The following CLIC1 variants were observed in gnomAD, a reference collection of about 807,000 sequenced individuals.
CLIC1 encodes the protein CLIC family member 1, also known as chloride intracellular channel protein 1.
CLIC1 carries 16 observed loss-of-function variants against 26.4 expected under a neutral mutation model. The ratio of observed to expected loss-of-function variants is 0.61; its 90% CI spans 0.41 to 0.92. CLIC1 has a LOEUF of 0.92. CLIC1 is among the 40% of genes least tolerant of loss of function. The pLI, the probability that CLIC1 is intolerant of heterozygous loss-of-function variation, is 0.00. For synonymous variants in CLIC1, 98 were observed against 120.8 expected (o/e 0.81, Z 1.24); for missense variants, 225 against 289.7 (o/e 0.78, Z 1.62).
Position 31,736,465 on chromosome 6 carries a change from C to T in CLIC1, c.-165G>A. ...CCTACTTGCACCCAAACTAGGCCTC[C>T]CCACCAGCCCAACGCACCCCACACC... On this transcript the variant is annotated 5_prime_UTR_variant, in exon 1 of 6. Coordinates refer to ENST00000375784, the Ensembl canonical transcript of CLIC1. This position sits in a 1 kb window ranked among gnomAD's most constrained non-coding sequence, Gnocchi z 5.0. The T allele has an allele frequency of 7.0e-7, 1 of 1,427,198 alleles. No homozygotes were observed. Among genetic ancestry groups the T allele is most frequent in the Admixed American group, 2.6e-5 (1 of 38,736 alleles). The allele number at this position is 1,427,198 out of a possible 1,614,324, so 88.4% of individuals were successfully genotyped here.
In CLIC1 at chr6:31,736,250, A is replaced by G; in HGVS notation, c.39+12T>C. ...CAGGAATTTGGGTGGCTGAGGAGAGAAGTGTTCTTACCTTCACGAACAATT... is the reference window on the plus strand; with the variant it reads ...CAGGAATTTGGGTGGCTGAGGAGAGGAGTGTTCTTACCTTCACGAACAATT... On this transcript the variant is annotated intron_variant, in intron 1 of 5. Coordinates refer to ENST00000375784, the Ensembl canonical transcript of CLIC1. The surrounding 1 kb of genome is among the most constrained non-coding windows in gnomAD (Gnocchi z 5.0). The G allele has an allele frequency of 6.2e-7, 1 of 1,612,668 alleles. No homozygotes were observed. Among genetic ancestry groups the G allele is most frequent in the Non-Finnish European group, 8.5e-7 (1 of 1,179,862 alleles).
Position 31,736,155 on chromosome 6 carries a change from G to A in CLIC1, c.39+107C>T, listed in dbSNP as rs1808316385. 3 of 1,139,572 alleles carry A rather than the reference G, an allele frequency of 2.6e-6. No individual in the cohort carries two copies. Among genetic ancestry groups the A allele is most frequent in the Admixed American group, 1.7e-5 (1 of 58,262 alleles). The allele number at this position is 1,139,572 out of a possible 1,614,324, so 70.6% of individuals were successfully genotyped here. On this transcript the variant is annotated intron_variant, in intron 1 of 5. Transcript: ENST00000375784. This position sits in a 1 kb window ranked among gnomAD's most constrained non-coding sequence, Gnocchi z 5.0. ...AACCAAAGAGTGCACGTGGGATTGG[G>A]GGTGGGAGTCAAGGAGGGAAGGGAT...
chr6:31,732,074 TG>T lies in CLIC1; in HGVS notation c.564+142del. The stretch of plus-strand genomic sequence containing the variant: ...CAATGACTGCTGCAAAGGACTGGGG[TG>T]GGGTCTGCCATTGGTAGCAATTTAT... On this transcript the variant is annotated intron_variant, in intron 5 of 5. Transcript: ENST00000375784. The surrounding 1 kb of genome is among the most constrained non-coding windows in gnomAD (Gnocchi z 5.0). 1 of 517,960 alleles carries T rather than the reference TG, an allele frequency of 1.9e-6. No homozygotes were observed. The highest frequency in any genetic ancestry group is 2.0e-5 in the African/African-American group (1 of 50,746). The allele number at this position is 517,960 out of a possible 1,614,324, so 32.1% of individuals were successfully genotyped here. A position where few individuals can be genotyped will look rare whatever the true frequency, so the allele number is the denominator to read the frequency against.
In CLIC1 at chr6:31,736,194, C is replaced by T; in HGVS notation, c.39+68G>A. On this transcript the variant is annotated intron_variant, in intron 1 of 5. Transcript: ENST00000375784. The surrounding 1 kb of genome is among the most constrained non-coding windows in gnomAD (Gnocchi z 5.0). ...GAGGGAAGGGATTGGGGAGTTAAGGCTGGACCGGGGGAAAGGTGAGAGTTG... is the reference window on the plus strand; with the variant it reads ...GAGGGAAGGGATTGGGGAGTTAAGGTTGGACCGGGGGAAAGGTGAGAGTTG... 1 of 1,549,278 alleles carries T rather than the reference C, an allele frequency of 6.5e-7. No individual in the cohort carries two copies. The highest frequency in any genetic ancestry group is 8.9e-7 in the Non-Finnish European group (1 of 1,122,494).
chr6:31,734,376 C>G lies in CLIC1; in HGVS notation c.40-113G>C. 1 of 764,312 alleles carries G rather than the reference C, an allele frequency of 1.3e-6. No homozygotes were observed. Among genetic ancestry groups the G allele is most frequent in the East Asian group, 2.7e-5 (1 of 37,560 alleles). The allele number at this position is 764,312 out of a possible 1,614,324, so 47.3% of individuals were successfully genotyped here. A position where few individuals can be genotyped will look rare whatever the true frequency, so the allele number is the denominator to read the frequency against. On this transcript the variant is annotated intron_variant, in intron 1 of 5. Transcript: ENST00000375784. This position sits in a 1 kb window ranked among gnomAD's most constrained non-coding sequence, Gnocchi z 5.3. Reference sequence around the variant, plus strand: ...GTTTTCTGCCTAGTCATGACACATACACTGTCCCCTCACTATGGGCTCTTT... The same window carrying G: ...GTTTTCTGCCTAGTCATGACACATAGACTGTCCCCTCACTATGGGCTCTTT...
chr6:31,732,522 T>C lies in CLIC1; in HGVS notation c.383-124A>G. ...AATAGCTAACACTCATGTAGTTACT[T>C]TTCTATGTGTTATTCTAAGCACTTT... On this transcript the variant is annotated intron_variant, in intron 4 of 5. Coordinates refer to ENST00000375784, the Ensembl canonical transcript of CLIC1. The surrounding 1 kb of genome is among the most constrained non-coding windows in gnomAD (Gnocchi z 5.0). 1 of 555,838 alleles carries C rather than the reference T, an allele frequency of 1.8e-6. No homozygotes were observed. Among genetic ancestry groups the C allele is most frequent in the East Asian group, 3.2e-5 (1 of 31,614 alleles). 34.4% of individuals were successfully genotyped at this position (555,838 alleles called of 1,614,324 possible). A position where few individuals can be genotyped will look rare whatever the true frequency, so the allele number is the denominator to read the frequency against.
At position 31,734,801 on chromosome 6, in the gene CLIC1, A is replaced by T. The variant is rs1808221068; in HGVS notation, c.40-538T>A. 6.6e-6 allele frequency among the ~76,000 whole-genome samples: 1 copy of T among 152,076 alleles called. No individual in the cohort carries two copies. The highest frequency in any genetic ancestry group is 1.5e-5 in the Non-Finnish European group (1 of 67,974). On this transcript the variant is annotated intron_variant, in intron 1 of 5. Transcript: ENST00000375784. The surrounding 1 kb of genome is among the most constrained non-coding windows in gnomAD (Gnocchi z 5.3). ...CCTCTAATTAGCAAGTGGTGACCTCATTGGCCCAAGGGACACCTCCCCCTA... is the reference window on the plus strand; with the variant it reads ...CCTCTAATTAGCAAGTGGTGACCTCTTTGGCCCAAGGGACACCTCCCCCTA...
rs776037322 is a variant in CLIC1, at chr6:31,733,829, C to G, written c.275+7G>C. The G allele has an allele frequency of 6.2e-7, 1 of 1,614,096 alleles. No homozygotes were observed. Among genetic ancestry groups the G allele is most frequent in the Non-Finnish European group, 8.5e-7 (1 of 1,179,954 alleles). ...TCCACCTCTCCACTTTCTGAGTGCC[C>G]CTATACCTGGGAGGGCACAGCACTG... On this transcript the variant is annotated splice_region_variant and intron_variant, in intron 3 of 5. Coordinates refer to ENST00000375784, the Ensembl canonical transcript of CLIC1. This position sits in a 1 kb window ranked among gnomAD's most constrained non-coding sequence, Gnocchi z 5.4.
chr6:31,736,314 A>T lies in CLIC1; in HGVS notation c.-14T>A, dbSNP rs1243761488. 2 of 1,612,626 alleles carry T rather than the reference A, an allele frequency of 1.2e-6. No homozygotes were observed. Among genetic ancestry groups the T allele is most frequent in the African/African-American group, 2.7e-5 (2 of 74,854 alleles). ...TTCTTCAGCCATGGTTGCGTCGGGG[A>T]CCAGGAAGTGGCCGTCCCTGGGGGA... On this transcript the variant is annotated 5_prime_UTR_variant, in exon 1 of 6. Coordinates refer to ENST00000375784, the Ensembl canonical transcript of CLIC1. This position sits in a 1 kb window ranked among gnomAD's most constrained non-coding sequence, Gnocchi z 5.0.
At chr6:31,736,602 G>A, upstream of CLIC1, 3 of 1,284,078 alleles carry the variant, frequency 2.3e-6, no homozygotes, top group Non-Finnish European at 3.0e-6. This position sits in a 1 kb window ranked among gnomAD's most constrained non-coding sequence, Gnocchi z 5.0. Flanking sequence ...ACTCGACGAT[G>A]TAGGGAGTGA....
intron 1 of CLIC1, among the ~76,000 whole-genome samples, chr6:31,735,105 C>T (rs1808237640): frequency 1.3e-5 from 2 of 151,422 alleles, no homozygotes; most frequent in Admixed American, 6.6e-5. Context: ...CAGGCTCCGA[C>T]TTCCCTGGGC....
chr6:31,733,471 C>A lies in CLIC1; in HGVS notation c.382+95G>T. 1 of 845,716 alleles carries A rather than the reference C, an allele frequency of 1.2e-6. No individual in the cohort carries two copies. The highest frequency in any genetic ancestry group is 1.4e-5 in the South Asian group (1 of 69,280). 52.4% of individuals were successfully genotyped at this position (845,716 alleles called of 1,614,324 possible). A position where few individuals can be genotyped will look rare whatever the true frequency, so the allele number is the denominator to read the frequency against. On this transcript the variant is annotated intron_variant, in intron 4 of 5. Transcript: ENST00000375784. This position sits in a 1 kb window ranked among gnomAD's most constrained non-coding sequence, Gnocchi z 5.4. ...ATTTACGAACATCTGCTTCATCTCC[C>A]TGATATCTGAACGTCCAGGTGCCCC...
Position 31,734,627 on chromosome 6 carries a change from GTC to G in CLIC1, c.40-366_40-365del, listed in dbSNP as rs1425365900. ...TTTCTGGGTTCCTGAAGGGAGTAGA[GTC>G]TGAAGACAGGAGAGGTGGGTGGGGT... On this transcript the variant is annotated intron_variant, in intron 1 of 5. Transcript: ENST00000375784. This position sits in a 1 kb window ranked among gnomAD's most constrained non-coding sequence, Gnocchi z 5.3. Among the ~76,000 whole-genome samples the G allele has an allele frequency of 1.3e-5, 2 of 152,192 alleles. No homozygotes were observed. Among genetic ancestry groups the G allele is most frequent in the African/African-American group, 4.8e-5 (2 of 41,444 alleles).
In CLIC1 at chr6:31,736,546, G is replaced by A. The variant is rs1298296521; in HGVS notation, c.-246C>T. On this transcript the variant is annotated 5_prime_UTR_variant, in exon 1 of 6. Transcript: ENST00000375784. The surrounding 1 kb of genome is among the most constrained non-coding windows in gnomAD (Gnocchi z 5.0). The stretch of plus-strand genomic sequence containing the variant: ...TGGATCAGAGAGCCGCTGACTCACC[G>A]ACCGGCCCCGCCCTGAACCTGGGGA... 1.2e-5 allele frequency: 16 copies of A among 1,361,914 alleles called. No homozygotes were observed. Among genetic ancestry groups the A allele is most frequent in the South Asian group, 5.4e-5 (3 of 55,750 alleles). 84.4% of individuals were successfully genotyped at this position (1,361,914 alleles called of 1,614,324 possible).
chr6:31,732,418 G>T lies in CLIC1; in HGVS notation c.383-20C>A. The T allele has an allele frequency of 2.1e-6, 3 of 1,421,848 alleles. No homozygotes were observed. Among genetic ancestry groups the T allele is most frequent in the Non-Finnish European group, 2.8e-6 (3 of 1,082,312 alleles). 88.1% of individuals were successfully genotyped at this position (1,421,848 alleles called of 1,614,324 possible). A position where few individuals can be genotyped will look rare whatever the true frequency, so the allele number is the denominator to read the frequency against. On this transcript the variant is annotated intron_variant, in intron 4 of 5. Transcript: ENST00000375784. The surrounding 1 kb of genome is among the most constrained non-coding windows in gnomAD (Gnocchi z 5.0). Reference sequence around the variant, plus strand: ...CCAGATCTGTGCAAGAGAGGGAACTGATTAGAACTTCAGGAAAAGATTGAC... The same window carrying T: ...CCAGATCTGTGCAAGAGAGGGAACTTATTAGAACTTCAGGAAAAGATTGAC...
Position 31,733,771 on chromosome 6 carries a change from C to T in CLIC1, c.275+65G>A, listed in dbSNP as rs1808144044. On this transcript the variant is annotated intron_variant, in intron 3 of 5. Coordinates refer to ENST00000375784, the Ensembl canonical transcript of CLIC1. This position sits in a 1 kb window ranked among gnomAD's most constrained non-coding sequence, Gnocchi z 5.4. ...CCACCACCATCTCTGTTTTCCATTT[C>T]TGCAAACTGTCTGTTTCCCAGAATC... The T allele has an allele frequency of 1.9e-6, 3 of 1,607,158 alleles. No individual in the cohort carries two copies. The highest frequency in any genetic ancestry group is 2.6e-6 in the Non-Finnish European group (3 of 1,174,032).
upstream of CLIC1, chr6:31,736,954 T>G (rs1468009368): frequency 1.0e-6 from 1 of 985,564 alleles, no homozygotes; most frequent in East Asian, 1.1e-4. This position sits in a 1 kb window ranked among gnomAD's most constrained non-coding sequence, Gnocchi z 5.0. Context: ...GGACTGCAGA[T>G]AGGAACCGTT....
At position 31,734,997 on chromosome 6, in the gene CLIC1, C is replaced by G. The variant is rs1001886375; in HGVS notation, c.40-734G>C. ...ACCATCCTCTCACAGGACACAGGGCCGGAATCTCTGCGGCACAGCCTCACC... is the reference window on the plus strand; with the variant it reads ...ACCATCCTCTCACAGGACACAGGGCGGGAATCTCTGCGGCACAGCCTCACC... On this transcript the variant is annotated intron_variant, in intron 1 of 5. Transcript: ENST00000375784. This position sits in a 1 kb window ranked among gnomAD's most constrained non-coding sequence, Gnocchi z 5.3. Among the ~76,000 whole-genome samples the G allele has an allele frequency of 6.6e-6, 1 of 151,902 alleles. No individual in the cohort carries two copies. The highest frequency in any genetic ancestry group is 2.4e-5 in the African/African-American group (1 of 41,344).
chr6:31,734,004 G>T lies in CLIC1; in HGVS notation c.150-43C>A. 6.2e-7 allele frequency: 1 copy of T among 1,605,040 alleles called. No individual in the cohort carries two copies. On this transcript the variant is annotated intron_variant, in intron 2 of 5. Coordinates refer to ENST00000375784, the Ensembl canonical transcript of CLIC1. This position sits in a 1 kb window ranked among gnomAD's most constrained non-coding sequence, Gnocchi z 5.3. Reference sequence around the variant, plus strand: ...AATCAGGACTGGAAATGGGGGTCAGGAAGAACCAGAAAGGGGGAATGGAGG... The same window carrying T: ...AATCAGGACTGGAAATGGGGGTCAGTAAGAACCAGAAAGGGGGAATGGAGG...
Sources: allele counts gnomAD v4.1 joint callset (sites outside exome capture counted in the v4.1 genomes callset), GRCh38; gene constraint gnomAD v4.1.1; non-coding constraint Gnocchi (gnomAD v3.1); transcripts MANE v1.5; gene names NCBI Gene and HGNC (gene_info 2026-07-23, HGNC 2026-07-21).